RBMS3: variants seen among roughly 807,000 people sequenced by gnomAD.
RBMS3 encodes RNA-binding motif, single-stranded-interacting protein 3.
Under a neutral mutation model 66.8 loss-of-function variants are expected in RBMS3, and 27 were observed. That is an observed-to-expected ratio of 0.40 (90% CI 0.30 to 0.56). The LOEUF (loss-of-function observed/expected upper bound fraction) is 0.56. Among genes scored for constraint, RBMS3 ranks in the 20% least tolerant of loss-of-function variants. The probability of loss-of-function intolerance (pLI) is 0.40; values close to 1 mark genes in which losing one functional copy is unlikely to be tolerated. For synonymous variants in RBMS3, 188 were observed against 183.0 expected (o/e 1.03, Z -0.22); for missense variants, 513 against 549.5 (o/e 0.93, Z 0.66).
At chr3:29,487,355 C>G (rs1483735682) in intron 2 of RBMS3, among the ~76,000 whole-genome samples, 1 of 152,080 alleles carries the variant, frequency 6.6e-6, no homozygotes, top group Non-Finnish European at 1.5e-5. Flanking sequence ...AGGTGAGTAT[C>G]TGTACAACTA....
At chr3:29,696,867 G>A (rs1232137836) in intron 4 of RBMS3, 1 of 778,104 alleles carries the variant, frequency 1.3e-6, no homozygotes, top group Non-Finnish European at 1.6e-6. Flanking sequence ...TCATACACAA[G>A]GGGTGAGGGA....
chr3:29,446,460 T>C (rs1359227800), intron 2 of RBMS3, among the ~76,000 whole-genome samples: 9 of 152,152 alleles, frequency 5.9e-5, no homozygotes, highest in Non-Finnish European at 2.9e-5. Context: ...CATAGATCCT[T>C]ATATTATCTT....
chr3:29,432,006 G>A (rs2041226483), intron 1 of RBMS3, among the ~76,000 whole-genome samples: 8 of 152,130 alleles, frequency 5.3e-5, no homozygotes, highest in Admixed American at 4.6e-4. Flanking sequence ...AGGATTACAG[G>A]CGTGAACCAT....
At chr3:29,392,976 G>C in intron 1 of RBMS3, among the ~76,000 whole-genome samples, 1 of 151,996 alleles carries the variant, frequency 6.6e-6, no homozygotes. Flanking sequence ...GTCAGGGTCA[G>C]ATTCACCCTG....
chr3:29,863,085 T>G (rs1453973534), intron 6 of RBMS3, among the ~76,000 whole-genome samples: 4 of 152,100 alleles, frequency 2.6e-5, no homozygotes, highest in Non-Finnish European at 4.4e-5. Context: ...ATATTTCTCT[T>G]TAGGAAATTA....
chr3:29,622,703 G>A (rs1051568691), intron 4 of RBMS3, among the ~76,000 whole-genome samples: 3 of 152,188 alleles, frequency 2.0e-5, no homozygotes, highest in East Asian at 3.8e-4. Context: ...GTGTAGTGAT[G>A]GAGGGCACAG....
At chr3:29,878,456 A>G (rs1406661196) in intron 7 of RBMS3, among the ~76,000 whole-genome samples, 1 of 152,050 alleles carries the variant, frequency 6.6e-6, no homozygotes, top group South Asian at 2.1e-4. Flanking sequence ...TAGAAACACT[A>G]TATCATTTCC....
chr3:29,429,937 ATTTAT>A (rs2041115038), intron 1 of RBMS3, among the ~76,000 whole-genome samples: 1 of 17,178 alleles, frequency 5.8e-5, no homozygotes, highest in South Asian at 2.7e-3. Context: ...CACTTCTTTT[ATTTAT>A]TTATTTATTT....
At chr3:29,705,073 G>T (rs1199812111) in intron 4 of RBMS3, among the ~76,000 whole-genome samples, 2 of 152,156 alleles carry the variant, frequency 1.3e-5, no homozygotes, top group African/African-American at 4.8e-5. Context: ...ATTTTAGCTA[G>T]GGGCTTTTTG....
intron 2 of RBMS3, among the ~76,000 whole-genome samples, chr3:29,463,964 C>T (rs2042456816): frequency 6.6e-6 from 1 of 152,108 alleles, no homozygotes; most frequent in Non-Finnish European, 1.5e-5. Flanking sequence ...GAATTGACAG[C>T]CACCTAAGCC....
chr3:29,951,501 T>C (rs1311309416), intron 12 of RBMS3, among the ~76,000 whole-genome samples: 1 of 151,740 alleles, frequency 6.6e-6, no homozygotes, highest in Non-Finnish European at 1.5e-5. Context: ...ACCCTTTATA[T>C]ATACACAACA....
At chr3:29,901,406 A>G (rs1287403799) in intron 10 of RBMS3, among the ~76,000 whole-genome samples, 2 of 151,848 alleles carry the variant, frequency 1.3e-5, no homozygotes, top group African/African-American at 2.4e-5. Flanking sequence ...TTTGTGGCCA[A>G]AAGGAGTGCA....
chr3:29,283,203 T>C (rs1486207529), intron 1 of RBMS3, among the ~76,000 whole-genome samples: 1 of 152,176 alleles, frequency 6.6e-6, no homozygotes, highest in African/African-American at 2.4e-5. Flanking sequence ...ACTCAAAGGT[T>C]GCATGAAAAA....
chr3:29,829,292 G>A (rs536691021), intron 6 of RBMS3, among the ~76,000 whole-genome samples: 27 of 152,182 alleles, frequency 1.8e-4, no homozygotes, highest in South Asian at 6.2e-4. Context: ...TAATCCACCC[G>A]CCTTGGCCTC....
intron 1 of RBMS3, among the ~76,000 whole-genome samples, chr3:29,350,437 A>G (rs140355954): frequency 6.6e-6 from 1 of 152,328 alleles, no homozygotes; most frequent in African/African-American, 2.4e-5. Flanking sequence ...AGGTAATTAT[A>G]TAAAGTAAAC....
intron 1 of RBMS3, among the ~76,000 whole-genome samples, chr3:29,317,907 T>C (rs540608441): frequency 3.3e-5 from 5 of 151,980 alleles, no homozygotes; most frequent in East Asian, 3.9e-4. Flanking sequence ...ATCTGGAGTT[T>C]ACAGGACAGC....
intron 12 of RBMS3, among the ~76,000 whole-genome samples, chr3:29,978,810 G>A (rs1697772606): frequency 1.3e-5 from 2 of 152,192 alleles, no homozygotes; most frequent in East Asian, 3.9e-4. Flanking sequence ...AAATAATGAA[G>A]TAGACTGAAA....
At chr3:29,995,594 G>T (rs1173908253) in intron 14 of RBMS3, among the ~76,000 whole-genome samples, 1 of 150,598 alleles carries the variant, frequency 6.6e-6, no homozygotes, top group African/African-American at 2.4e-5. Context: ...CAAGCCAGAA[G>T]AGAGTGGGGG....
In RBMS3 at chr3:29,847,741, C is replaced by A. The variant is rs375287653; in HGVS notation, c.638-21117C>A. 3.9e-5 allele frequency among the ~76,000 whole-genome samples: 6 copies of A among 152,038 alleles called. No homozygotes were observed. The East Asian group carries it at 9.8e-4, about 25-fold the overall frequency. ...CGCGATCTCGGCTCACTGCAGGCTC[C>A]GCCTTCCGGGTTCACGCCATTCTCC... On this transcript the variant is annotated intron_variant, in intron 6 of 14. Coordinates refer to ENST00000383767, the MANE Select transcript of RBMS3 (RefSeq NM_001003793.3).
Sources: allele counts gnomAD v4.1 joint callset (sites outside exome capture counted in the v4.1 genomes callset), GRCh38; gene constraint gnomAD v4.1.1; transcripts MANE v1.5; gene names NCBI Gene and HGNC (gene_info 2026-07-23, HGNC 2026-07-21).